Variants in ERC1 observed in about 807,000 individuals in gnomAD.
ERC1 encodes ELKS/RAB6-interacting/CAST family member 1.
A neutral mutation model predicts 132.0 loss-of-function variants in ERC1; 56 were observed. That is an observed-to-expected ratio of 0.42 (90% CI 0.34 to 0.53). The LOEUF is 0.53. Ranked by LOEUF, ERC1 falls within the 20% of genes least tolerant of loss-of-function variation. ERC1 has a pLI of 0.03. For missense variants in ERC1, 1,202 were observed against 1,349.9 expected, an observed-to-expected ratio of 0.89 and a Z score of 1.72; for synonymous variants, 478 against 476.1, an observed-to-expected ratio of 1.00 and a Z score of -0.05.
At chr12:1,347,907 C>T (rs1263997065) in intron 15 of ERC1, among the ~76,000 whole-genome samples, 7 of 152,010 alleles carry the variant, frequency 4.6e-5, no homozygotes, top group Non-Finnish European at 8.8e-5. Flanking sequence ...TGCTTGAAGC[C>T]GGGAGGCAGA....
chr12:1,093,409 C>T (rs1276601886), intron 3 of ERC1, among the ~76,000 whole-genome samples: 1 of 152,126 alleles, frequency 6.6e-6, no homozygotes. Flanking sequence ...GAGGGCTTGA[C>T]AGGTGATTCT....
Position 1,083,465 on chromosome 12 carries a change from A to G in ERC1, c.971A>G (p.Lys324Arg), listed in dbSNP as rs1207053150. 1.2e-6 allele frequency: 2 copies of G among 1,614,216 alleles called. No individual in the cohort carries two copies. Among genetic ancestry groups the G allele is most frequent in the African/African-American group, 2.7e-5 (2 of 75,060 alleles). Reference protein sequence around the residue: ...EMLQSKGLSAKATEEDHERTR... With the variant: ...EMLQSKGLSARATEEDHERTR... ...TTGCAGAGCAAAGGACTTTCTGCCA[A>G]GGCTACCGAGGAAGACCATGAGAGA... The change falls in exon 3 of 19, where the codon AAG (lysine) becomes AGG (arginine). Residue 324 changes from lysine (K) to arginine (R), a missense_variant. Physicochemically the swap from Lys to Arg is conservative, Grantham distance 26. Coordinates refer to ENST00000360905, the MANE Select transcript of ERC1 (RefSeq NM_178040.4).
intron 15 of ERC1, among the ~76,000 whole-genome samples, chr12:1,343,878 G>T (rs958828189): frequency 1.3e-5 from 2 of 150,758 alleles, no homozygotes; most frequent in Admixed American, 6.6e-5. Flanking sequence ...GTCTTGCTCT[G>T]TCACCCAGGC....
At chr12:1,185,804 T>G (rs892308211) in intron 11 of ERC1, among the ~76,000 whole-genome samples, 7 of 152,032 alleles carry the variant, frequency 4.6e-5, no homozygotes, top group African/African-American at 1.4e-4. Flanking sequence ...AAATTTTTCC[T>G]GAGACTTTGG....
chr12:1,107,946 ATGGAAGGGC>A (rs1945440337), intron 4 of ERC1, among the ~76,000 whole-genome samples: 2 of 152,144 alleles, frequency 1.3e-5, no homozygotes, highest in Non-Finnish European at 2.9e-5. Context: ...TTGGTTAATG[ATGGAAGGGC>A]TGGGGCTGGG....
At chr12:1,389,502 G>A (rs929111630) in intron 16 of ERC1, among the ~76,000 whole-genome samples, 4 of 152,164 alleles carry the variant, frequency 2.6e-5, no homozygotes, top group African/African-American at 9.7e-5. Flanking sequence ...TAAGCCTGTT[G>A]GTAATGGATT....
intron 11 of ERC1, among the ~76,000 whole-genome samples, chr12:1,185,560 T>A (rs1425339044): frequency 6.6e-6 from 1 of 152,106 alleles, no homozygotes; most frequent in Non-Finnish European, 1.5e-5. Flanking sequence ...CCTGGAATAG[T>A]GTGGAGCCAC....
At chr12:1,329,341 T>C (rs892523576) in intron 15 of ERC1, among the ~76,000 whole-genome samples, 1 of 128,636 alleles carries the variant, frequency 7.8e-6, no homozygotes, top group East Asian at 2.6e-4. Context: ...TTTTTTTTTC[T>C]AAATTTTTCA....
At chr12:1,439,994 A>T (rs937090837) in intron 17 of ERC1, among the ~76,000 whole-genome samples, 2 of 152,092 alleles carry the variant, frequency 1.3e-5, no homozygotes, top group African/African-American at 4.8e-5. Context: ...AGATTTGGGG[A>T]CTATACTAGT....
chr12:1,443,497 G>A (rs1005494849), intron 17 of ERC1: 1 of 152,210 alleles, frequency 6.6e-6, no homozygotes, highest in Admixed American at 6.5e-5. Context: ...TCCTGTTCAT[G>A]AAAATTGCCA....
intron 15 of ERC1, among the ~76,000 whole-genome samples, chr12:1,341,069 CTTTTTTTTTTTTTTTTTTTTTTTTTTT>C (rs35902573): frequency 1.1e-4 from 7 of 63,134 alleles, no homozygotes; most frequent in South Asian, 6.5e-4. Context: ...TTTTCTTTTT[CTTTTTTTTTTTTTTTTTTTTTTTTTTT>C]TTTTTTTTTT....
intron 2 of ERC1, among the ~76,000 whole-genome samples, chr12:1,060,397 A>G (rs1276401953): frequency 6.6e-6 from 1 of 151,588 alleles, no homozygotes; most frequent in African/African-American, 2.4e-5. Flanking sequence ...TCATTGTTCA[A>G]TTCCCATCTA....
In ERC1 at chr12:1,282,093, T is replaced by TA. The variant is rs144583196; in HGVS notation, c.2620-7758dup. ...AAAAGAAGCATTTCTTTCACACTGA[T>TA]ACGTTTCCACTCTCTTTTAAAAAGA... On this transcript the variant is annotated intron_variant, in intron 14 of 18. Transcript: ENST00000360905. 9.4e-4 allele frequency among the ~76,000 whole-genome samples: 143 copies of TA among 152,258 alleles called. 1 individual carries two copies. Among genetic ancestry groups the TA allele is most frequent in the African/African-American group, 3.1e-3 (130 of 41,550 alleles).
chr12:1,287,710 G>T (rs2079134304), intron 14 of ERC1, among the ~76,000 whole-genome samples: 1 of 152,100 alleles, frequency 6.6e-6, no homozygotes, highest in African/African-American at 2.4e-5. Flanking sequence ...CTATACCATT[G>T]GCTCTCCTGG....
intron 2 of ERC1, among the ~76,000 whole-genome samples, chr12:1,032,872 T>G (rs1176726650): frequency 6.6e-6 from 1 of 151,626 alleles, no homozygotes; most frequent in Non-Finnish European, 1.5e-5. Context: ...AGGTTTTTTT[T>G]TTTAATTGTT....
chr12:1,181,785 A>C, intron 9 of ERC1, 140 bp from the exon 10 acceptor site: 1 of 518,790 alleles, frequency 1.9e-6, no homozygotes, highest in Non-Finnish European at 2.5e-6. Flanking sequence ...CTCTGTCTCA[A>C]AAAAAAAAAA....
intron 17 of ERC1, among the ~76,000 whole-genome samples, chr12:1,420,919 TG>T (rs57475289): frequency 0.53 from 52,126 of 98,366 alleles, 13,742 homozygotes; most frequent in East Asian, 0.77. Flanking sequence ...GGTTTTGGTT[TG>T]GGGGGGGGGG....
chr12:1,273,643 A>G (rs1279335011), intron 14 of ERC1, among the ~76,000 whole-genome samples: 1 of 152,106 alleles, frequency 6.6e-6, no homozygotes. Context: ...TTTTGCTTTT[A>G]TTTAATTTTA....
rs906701153 is a variant in ERC1, at chr12:1,328,886, C to T, written c.2780+38874C>T. Among the ~76,000 whole-genome samples, 3 of 119,628 alleles carry T rather than the reference C, an allele frequency of 2.5e-5. No homozygotes were observed. The East Asian group carries it at 9.1e-4, about 36-fold the overall frequency. 78.5% of individuals were successfully genotyped at this position (119,628 alleles called of 152,430 possible). On this transcript the variant is annotated intron_variant, in intron 15 of 18. Transcript: ENST00000360905. ...GTTAGCAGTATCATCTGGAATAAGA[C>T]AGCCTCTGTTCTTGGGGAGGGAGGG...
Sources: allele counts gnomAD v4.1 joint callset (sites outside exome capture counted in the v4.1 genomes callset), GRCh38; gene constraint gnomAD v4.1.1; transcripts MANE v1.5; gene names NCBI Gene and HGNC (gene_info 2026-07-23, HGNC 2026-07-21).